Variants in RBMS3 observed in about 807,000 individuals in gnomAD.
RBMS3 encodes RNA binding motif single stranded interacting protein 3.
Under a neutral mutation model 66.8 loss-of-function variants are expected in RBMS3, and 27 were observed. The observed-to-expected ratio is 0.40, with a 90% CI of 0.30 to 0.56. The LOEUF (loss-of-function observed/expected upper bound fraction) is 0.56. Among genes scored for constraint, RBMS3 ranks in the 20% least tolerant of loss-of-function variants. RBMS3 has a pLI of 0.40. For synonymous variants in RBMS3, 188 were observed against 183.0 expected (o/e 1.03, Z -0.22); for missense variants, 513 against 549.5 (o/e 0.93, Z 0.66).
chr3:29,579,669 A>G (rs1337840318), intron 3 of RBMS3, among the ~76,000 whole-genome samples: 2 of 152,204 alleles, frequency 1.3e-5, no homozygotes, highest in African/African-American at 2.4e-5. Context: ...TTTTGATGGT[A>G]GAGACACACA....
intron 1 of RBMS3, among the ~76,000 whole-genome samples, chr3:29,383,848 G>A (rs1213661976): frequency 6.6e-6 from 1 of 152,162 alleles, no homozygotes; most frequent in Non-Finnish European, 1.5e-5. Context: ...GCTGTAAAAT[G>A]TGGGCAATAC....
chr3:29,510,167 ATGTGACT>A (rs2044341038), intron 3 of RBMS3, among the ~76,000 whole-genome samples: 1 of 152,224 alleles, frequency 6.6e-6, no homozygotes, highest in Non-Finnish European at 1.5e-5. Context: ...TCAAACCTGT[ATGTGACT>A]TGTTATTTCA....
intron 4 of RBMS3, among the ~76,000 whole-genome samples, chr3:29,659,675 A>T (rs72846067): frequency 0.036 from 5,407 of 152,306 alleles, 212 homozygotes; most frequent in African/African-American, 0.09. Context: ...TGTAAATAAT[A>T]CTGCTATGCA....
chr3:29,664,480 C>T (rs1030845097), intron 4 of RBMS3, among the ~76,000 whole-genome samples: 4 of 151,832 alleles, frequency 2.6e-5, no homozygotes, highest in African/African-American at 9.7e-5. Context: ...GAGCAAGACT[C>T]TGTCTCAAAA....
In RBMS3 at chr3:29,707,315, G is replaced by C. The variant is rs141048311; in HGVS notation, c.400-32405G>C. Among the ~76,000 whole-genome samples the C allele has an allele frequency of 5.8e-4, 89 of 152,258 alleles. 1 individual carries two copies. Among genetic ancestry groups the C allele is most frequent in the African/African-American group, 2.0e-3 (85 of 41,562 alleles). ...GTTTGAAATAAATCAGTCTACTTTTGTGCCTGGGTAGATTTTACTCATTGG... is the reference window on the plus strand; with the variant it reads ...GTTTGAAATAAATCAGTCTACTTTTCTGCCTGGGTAGATTTTACTCATTGG... On this transcript the variant is annotated intron_variant, in intron 4 of 14. Coordinates refer to ENST00000383767, the MANE Select transcript of RBMS3 (RefSeq NM_001003793.3).
At chr3:29,646,777 A>AG (rs1336932913) in intron 4 of RBMS3, among the ~76,000 whole-genome samples, 1 of 151,256 alleles carries the variant, frequency 6.6e-6, no homozygotes, top group Non-Finnish European at 1.5e-5. Context: ...TAGGTGATAG[A>AG]GGGAAAAAAG....
intron 2 of RBMS3, among the ~76,000 whole-genome samples, chr3:29,444,585 A>G (rs1219742138): frequency 4.6e-5 from 7 of 151,972 alleles, no homozygotes; most frequent in Non-Finnish European, 1.0e-4. Context: ...AAGTATTTAA[A>G]GAAAACAGAA....
intron 4 of RBMS3, among the ~76,000 whole-genome samples, chr3:29,684,425 TATG>T (rs2051625719): frequency 1.3e-5 from 2 of 152,184 alleles, no homozygotes; most frequent in Admixed American, 1.3e-4. Context: ...TACCTATCTA[TATG>T]ATAAGAAGTT....
At chr3:29,360,078 C>A (rs1381029672) in intron 1 of RBMS3, among the ~76,000 whole-genome samples, 1 of 152,058 alleles carries the variant, frequency 6.6e-6, no homozygotes, top group African/African-American at 2.4e-5. Context: ...TTATTCCTTG[C>A]CTTCTGCAAG....
intron 1 of RBMS3, among the ~76,000 whole-genome samples, chr3:29,299,598 T>C (rs1207638535): frequency 6.6e-6 from 1 of 151,834 alleles, no homozygotes; most frequent in Admixed American, 6.6e-5. Context: ...AAATTAAAAA[T>C]AACAAAGCAA....
At chr3:29,339,449 C>T (rs1167877271) in intron 1 of RBMS3, among the ~76,000 whole-genome samples, 1 of 151,976 alleles carries the variant, frequency 6.6e-6, no homozygotes, top group Non-Finnish European at 1.5e-5. Flanking sequence ...TTTTGTTGTC[C>T]AAAAATAGTC....
chr3:29,947,986 A>G (rs62235516), intron 12 of RBMS3, among the ~76,000 whole-genome samples: 17,831 of 151,334 alleles, frequency 0.12, 1,174 homozygotes, highest in Middle Eastern at 0.18. Flanking sequence ...TTTAAAAAAG[A>G]AAAGAAAAAC....
chr3:29,581,872 T>G (rs2047340522), intron 3 of RBMS3, among the ~76,000 whole-genome samples: 1 of 152,088 alleles, frequency 6.6e-6, no homozygotes, highest in Non-Finnish European at 1.5e-5. Context: ...ATCATTACTT[T>G]CCCCCAATAC....
intron 3 of RBMS3, among the ~76,000 whole-genome samples, chr3:29,535,418 G>A (rs1257482858): frequency 6.6e-6 from 1 of 152,094 alleles, no homozygotes; most frequent in Non-Finnish European, 1.5e-5. Flanking sequence ...TAATGAAACT[G>A]TTCAAATTCT....
At chr3:29,932,916 AG>A (rs1456231950) in intron 10 of RBMS3, among the ~76,000 whole-genome samples, 2 of 152,176 alleles carry the variant, frequency 1.3e-5, no homozygotes, top group Admixed American at 1.3e-4. Flanking sequence ...GAGTGGGAGC[AG>A]CTTTGTTTTG....
intron 1 of RBMS3, among the ~76,000 whole-genome samples, chr3:29,314,206 T>C (rs775253772): frequency 6.6e-6 from 1 of 151,762 alleles, no homozygotes; most frequent in Non-Finnish European, 1.5e-5. Flanking sequence ...TGATACTGTA[T>C]CCTACAAGTT....
chr3:29,965,937 C>T (rs1041760774), intron 12 of RBMS3, among the ~76,000 whole-genome samples: 3 of 152,086 alleles, frequency 2.0e-5, no homozygotes, highest in African/African-American at 4.8e-5. Context: ...GTTTCATTCT[C>T]CTACATGTGG....
chr3:29,698,287 C>A (rs1401982469), intron 4 of RBMS3: 1 of 985,244 alleles, frequency 1.0e-6, no homozygotes, highest in East Asian at 1.1e-4. Flanking sequence ...AATGTAGTCC[C>A]TGGTGAGGGA....
At chr3:29,956,584 A>C (rs1345512102) in intron 12 of RBMS3, among the ~76,000 whole-genome samples, 4 of 152,114 alleles carry the variant, frequency 2.6e-5, no homozygotes, top group African/African-American at 9.7e-5. Context: ...AAATGTGGAG[A>C]GAAAAAGTGG....
Sources: gnomAD v4.1 joint callset for allele counts (sites outside exome capture counted in the v4.1 genomes callset) on GRCh38, gnomAD v4.1.1 for gene constraint, MANE v1.5 for transcripts, NCBI Gene and HGNC (gene_info 2026-07-23, HGNC 2026-07-21) for gene names.